The following TST variants were observed in gnomAD, a reference collection of about 807,000 sequenced individuals.
The protein encoded by TST is epididymis secretory sperm binding protein.
Under a neutral mutation model 20.4 loss-of-function variants are expected in TST, and 22 were observed. That is an observed-to-expected ratio of 1.08 (90% CI 0.77 to 1.54). The LOEUF (loss-of-function observed/expected upper bound fraction) is 1.54, where lower values mean the gene tolerates loss of function less well. TST is among the 40% of genes most tolerant of loss of function. The pLI is 0.00. For synonymous variants in TST, 187 were observed against 173.8 expected, an observed-to-expected ratio of 1.08 and a Z score of -0.60; for missense variants, 392 against 405.2, an observed-to-expected ratio of 0.97 and a Z score of 0.28.
chr22:37,018,022 TACATGGGAGGATTGAAG>T, intron 2 of TST, 99 bp downstream of exon 2: 1 of 768,980 alleles, frequency 1.3e-6, no homozygotes, highest in Non-Finnish European at 2.0e-6. Flanking sequence ...GACTGAGGCC[TACATGGGAGGATTGAAG>T]GCATGGGACG....
chr22:37,018,599 C>T lies in TST; in HGVS notation c.134G>A (p.Arg45His), dbSNP rs1221552512. The T allele has an allele frequency of 1.9e-6, 3 of 1,563,628 alleles. No homozygotes were observed. The highest frequency in any genetic ancestry group is 2.7e-5 in the African/African-American group (2 of 73,756). The change falls in exon 2 of 3, where the codon CGC becomes CAC. Residue 45 changes from arginine (R) to histidine (H), a missense_variant. Physicochemically the swap from Arg to His is conservative, Grantham distance 29 (BLOSUM62 0). Coordinates refer to ENST00000249042, the MANE Select transcript of TST (RefSeq NM_003312.6). ...SWYSPGTREARKEYLERHVPG... is the reference protein window; with the variant it reads ...SWYSPGTREAHKEYLERHVPG... Reference sequence around the variant, plus strand: ...TACGTGGCGCTCGAGGTACTCCTTGCGGGCCTCTCGGGTGCCTGGTGAGTA... The same window carrying T: ...TACGTGGCGCTCGAGGTACTCCTTGTGGGCCTCTCGGGTGCCTGGTGAGTA...
intron 2 of TST, among the ~76,000 whole-genome samples, chr22:37,016,781 G>A (rs907279964): frequency 7.2e-5 from 11 of 152,210 alleles, no homozygotes; most frequent in African/African-American, 2.7e-4. Flanking sequence ...CAGAGAGCAA[G>A]CAGGCAAGAA....
Position 37,010,993 on chromosome 22 carries a change from G to A in TST, c.*34C>T, listed in dbSNP as rs187167800. Reference sequence around the variant, plus strand: ...CTGTAAGTCATGGGGTCACTAAACCGGCCGCAGTTACAGTAAGCAGAAGAG... The same window carrying A: ...CTGTAAGTCATGGGGTCACTAAACCAGCCGCAGTTACAGTAAGCAGAAGAG... On this transcript the variant is annotated 3_prime_UTR_variant, in exon 3 of 3. Coordinates refer to ENST00000249042, the MANE Select transcript of TST (RefSeq NM_003312.6). 7.2e-5 allele frequency: 113 copies of A among 1,579,722 alleles called. No homozygotes were observed. In the African/African-American group the frequency reaches 8.6e-4, roughly 12 times the overall value.
intron 2 of TST, among the ~76,000 whole-genome samples, chr22:37,016,832 G>T (rs1922698567): frequency 6.6e-6 from 1 of 152,360 alleles, no homozygotes; most frequent in South Asian, 2.1e-4. Context: ...AAAGGGCAGA[G>T]ACCCTGCTGT....
chr22:37,011,455 T>G, intron 2 of TST, 130 bp from the exon 3 acceptor site: 1 of 1,046,632 alleles, frequency 9.6e-7, no homozygotes, highest in East Asian at 2.6e-5. Flanking sequence ...TTTGCTCTGC[T>G]TGGAGCTCAA....
chr22:37,019,997 C>G, upstream of TST: 1 of 462,936 alleles, frequency 2.2e-6, no homozygotes, highest in East Asian at 3.6e-5. Context: ...GGAGAGAAGG[C>G]GCGCCGCTAC....
chr22:37,011,997 G>C (rs191609619), intron 2 of TST, among the ~76,000 whole-genome samples: 9 of 152,352 alleles, frequency 5.9e-5, no homozygotes, highest in Non-Finnish European at 8.8e-5. Flanking sequence ...AAGTGACCTG[G>C]TGTCAGATGT....
At chr22:37,019,813 A>AG, upstream of TST, 1 of 1,146,430 alleles carries the variant, frequency 8.7e-7, no homozygotes, top group Non-Finnish European at 1.1e-6. Flanking sequence ...GGGCGCGGGG[A>AG]GGGGGCGCCG....
chr22:37,012,824 T>C (rs1569161106), intron 2 of TST, among the ~76,000 whole-genome samples: 1 of 152,028 alleles, frequency 6.6e-6, no homozygotes. Flanking sequence ...GGTGGGTGGA[T>C]CACAAGGTCA....
At position 37,015,467 on chromosome 22, in the gene TST, AG is replaced by A. The variant is rs568724325; in HGVS notation, c.595+2670del. On this transcript the variant is annotated intron_variant, in intron 2 of 2. Coordinates refer to ENST00000249042, the MANE Select transcript of TST (RefSeq NM_003312.6). Reference sequence around the variant, plus strand: ...TTTCACGAACAACAGTTAGCGGTGAAGGCACTAGCCTGAGGCTAAGCATCAG... The same window carrying A: ...TTTCACGAACAACAGTTAGCGGTGAAGCACTAGCCTGAGGCTAAGCATCAG... 3.1e-3 allele frequency among the ~76,000 whole-genome samples: 465 copies of A among 152,352 alleles called. 2 individuals carry two copies. The highest frequency in any genetic ancestry group is 0.011 in the African/African-American group (449 of 41,588).
chr22:37,018,756 G>A lies in TST; in HGVS notation c.-21-3C>T. 6.9e-7 allele frequency: 1 copy of A among 1,455,322 alleles called. No homozygotes were observed. The highest frequency in any genetic ancestry group is 9.0e-7 in the Non-Finnish European group (1 of 1,107,960). 90.2% of individuals were successfully genotyped at this position (1,455,322 alleles called of 1,614,324 possible). A position where few individuals can be genotyped will look rare whatever the true frequency, so the allele number is the denominator to read the frequency against. ...ATGGCTTCAGCTCTGCGTGTCACCT[G>A]GCACGGGTGGGAACCAGGAAAGAGA... On this transcript the variant is annotated splice_region_variant and splice_polypyrimidine_tract_variant and intron_variant, in intron 1 of 2. Transcript: ENST00000249042.
chr22:37,014,445 T>C (rs1922601092), intron 2 of TST, among the ~76,000 whole-genome samples: 1 of 152,210 alleles, frequency 6.6e-6, no homozygotes, highest in African/African-American at 2.4e-5. Context: ...GAGGCTCCCA[T>C]GCTTCTCTTC....
Position 37,011,073 on chromosome 22 carries a change from G to C in TST, c.848C>G (p.Ala283Gly). 3.7e-6 allele frequency: 6 copies of C among 1,612,202 alleles called. No homozygotes were observed. Among genetic ancestry groups the C allele is most frequent in the South Asian group, 2.2e-5 (2 of 91,010 alleles). The change falls in exon 3 of 3, where the codon GCC (alanine) becomes GGC (glycine). Residue 283 changes from alanine (A) to glycine (G), a missense_variant. Transcript: ENST00000249042. ...DGSWSEWFRR[A>G]PPESRVSQGK... ...CTGGGACACACGGCTCTCTGGGGGG[G>C]CCCGGCGAAACCACTCGGACCAGGA...
Position 37,018,344 on chromosome 22 carries a change from C to G in TST, c.389G>C (p.Gly130Ala), listed in dbSNP as rs145497510. 2.1e-5 allele frequency: 34 copies of G among 1,613,922 alleles called. No homozygotes were observed. Among genetic ancestry groups the G allele is most frequent in the Non-Finnish European group, 2.9e-5 (34 of 1,180,034 alleles). The change falls in exon 2 of 3, where the codon GGC becomes GCC. Residue 130 changes from glycine (G) to alanine (A), a missense_variant. By Grantham distance (60) the Gly-to-Ala change is moderately conservative (BLOSUM62 0). Transcript: ENST00000249042. Reference protein sequence around the residue: ...GHRTVSVLNGGFRNWLKEGHP... With the variant: ...GHRTVSVLNGAFRNWLKEGHP... ...GCCCTCCTTCAGCCAGTTCCGGAAG[C>G]CACCATTGAGCACTGATACGGTGCG... is the stretch of plus-strand genomic sequence containing the variant.
Position 37,016,822 on chromosome 22 carries a change from A to G in TST, c.595+1316T>C, listed in dbSNP as rs771889200. 2.9e-4 allele frequency among the ~76,000 whole-genome samples: 44 copies of G among 152,226 alleles called. 1 individual carries two copies. The highest frequency in any genetic ancestry group is 8.8e-5 in the Non-Finnish European group (6 of 68,036). On this transcript the variant is annotated intron_variant, in intron 2 of 2. Coordinates refer to ENST00000249042, the MANE Select transcript of TST (RefSeq NM_003312.6). ...TGGGGCCTGGAAAAAGCTGCGCTGGAAAGGGCAGAGACCCTGCTGTCCTGG... is the reference window on the plus strand; with the variant it reads ...TGGGGCCTGGAAAAAGCTGCGCTGGGAAGGGCAGAGACCCTGCTGTCCTGG...
intron 2 of TST, among the ~76,000 whole-genome samples, chr22:37,017,598 C>G (rs921311635): frequency 6.8e-6 from 1 of 147,832 alleles, no homozygotes; most frequent in South Asian, 2.1e-4. Flanking sequence ...ACTCTGCCGA[C>G]GGGCTGCAGC....
rs1322834693 is a variant in TST, at chr22:37,018,503, C to T, written c.230G>A (p.Ser77Asn). 2 of 1,605,576 alleles carry T rather than the reference C, an allele frequency of 1.2e-6. No individual in the cohort carries two copies. The highest frequency in any genetic ancestry group is 2.2e-5 in the East Asian group (1 of 44,598). Residue 77 changes from serine (S) to asparagine (N), a missense_variant, in exon 2 of 3, where the codon AGC becomes AAC. Transcript: ENST00000249042. Reference protein sequence around the residue: ...TASPYEMMLPSEAGFAEYVGR... With the variant: ...TASPYEMMLPNEAGFAEYVGR... ...CACATACTCGGCGAAGCCAGCCTCGCTGGGCAGCATCATCTCGTAGGGCGA... is the reference window on the plus strand; with the variant it reads ...CACATACTCGGCGAAGCCAGCCTCGTTGGGCAGCATCATCTCGTAGGGCGA...
chr22:37,012,598 T>C lies in TST; in HGVS notation c.596-1273A>G, dbSNP rs79242438. 6.8e-3 allele frequency among the ~76,000 whole-genome samples: 1,040 copies of C among 152,244 alleles called. 37 individuals are homozygous for C. The highest frequency in any genetic ancestry group is 0.059 in the Admixed American group (909 of 15,300). ...CTTGCTCCCCAAATCCCCACCCCCA[T>C]TCAACCTGGATTATGGGACAGGGCA... is the stretch of plus-strand genomic sequence containing the variant. On this transcript the variant is annotated intron_variant, in intron 2 of 2. Coordinates refer to ENST00000249042, the MANE Select transcript of TST (RefSeq NM_003312.6).
intron 2 of TST, among the ~76,000 whole-genome samples, chr22:37,017,545 T>G (rs1267660329): frequency 6.6e-6 from 1 of 152,080 alleles, no homozygotes; most frequent in Non-Finnish European, 1.5e-5. Flanking sequence ...GCTGAGATAA[T>G]GCGGTGCCAA....
Sources: allele counts gnomAD v4.1 joint callset (sites outside exome capture counted in the v4.1 genomes callset), GRCh38; gene constraint gnomAD v4.1.1; transcripts MANE v1.5; gene names NCBI Gene and HGNC (gene_info 2026-07-23, HGNC 2026-07-21).